Variants in IQSEC3 observed in about 807,000 individuals in gnomAD.
The protein encoded by IQSEC3 is IQ motif and Sec7 domain ArfGEF 3.
IQSEC3 carries 50 observed loss-of-function variants against 105.4 expected under a neutral mutation model. The observed-to-expected ratio is 0.47, with a 90% CI of 0.38 to 0.60. The LOEUF (loss-of-function observed/expected upper bound fraction) is 0.60. IQSEC3 is among the 20% of genes least tolerant of loss of function. The pLI is 0.00. For synonymous variants in IQSEC3, 708 were observed against 746.0 expected (o/e 0.95, Z 0.83); for missense variants, 1,415 against 1,630.0 (o/e 0.87, Z 2.27).
At position 85,224 on chromosome 12, in the gene IQSEC3, GA is replaced by G. The variant is rs201788556; in HGVS notation, c.555-13921del. 9.6e-3 allele frequency among the ~76,000 whole-genome samples: 1,463 copies of G among 152,324 alleles called. 22 individuals are homozygous for G. The highest frequency in any genetic ancestry group is 0.033 in the African/African-American group (1,390 of 41,572). On this transcript the variant is annotated intron_variant, in intron 1 of 13. Coordinates refer to ENST00000538872, the MANE Select transcript of IQSEC3 (RefSeq NM_001170738.2). ...CGAAAGGTGGGTTAGGAACGCTGTG[GA>G]GGCATGCTGCCCTGGCGCTGTGAGG... is the stretch of plus-strand genomic sequence containing the variant.
chr12:82,813 T>A (rs1555071005), intron 1 of IQSEC3, among the ~76,000 whole-genome samples: 1 of 152,202 alleles, frequency 6.6e-6, no homozygotes, highest in African/African-American at 2.4e-5. Context: ...CAGGCAGTGC[T>A]CCTAGCCTCT....
chr12:106,018 ACT>A (rs1178901625), intron 2 of IQSEC3, among the ~76,000 whole-genome samples: 3 of 152,144 alleles, frequency 2.0e-5, no homozygotes, highest in Non-Finnish European at 4.4e-5. Context: ...AGTCCTGCTA[ACT>A]CTGTGTCGGT....
Position 92,637 on chromosome 12 carries a change from C to G in IQSEC3, c.555-6509C>G, listed in dbSNP as rs553754625. Among the ~76,000 whole-genome samples the G allele has an allele frequency of 1.1e-4, 16 of 152,332 alleles. No individual in the cohort carries two copies. The South Asian group carries it at 3.1e-3, about 30-fold the overall frequency. On this transcript the variant is annotated intron_variant, in intron 1 of 13. Coordinates refer to ENST00000538872, the MANE Select transcript of IQSEC3 (RefSeq NM_001170738.2). ...AGCAGCCGAGATCCGGGTCCCGGGCCCCCTCCCTAAAGGCCCCGCATCTCA... is the reference window on the plus strand; with the variant it reads ...AGCAGCCGAGATCCGGGTCCCGGGCGCCCTCCCTAAAGGCCCCGCATCTCA...
chr12:109,585 A>G (rs1555079032), intron 2 of IQSEC3, among the ~76,000 whole-genome samples: 3 of 150,944 alleles, frequency 2.0e-5, no homozygotes. Context: ...AGGCAGCCTG[A>G]TCCTAAACTC....
At chr12:125,012 C>A (rs1034460130) in intron 2 of IQSEC3, among the ~76,000 whole-genome samples, 3 of 152,144 alleles carry the variant, frequency 2.0e-5, no homozygotes, top group East Asian at 3.9e-4. Flanking sequence ...AGTCCACCCC[C>A]CTGGAAAGGC....
intron 2 of IQSEC3, among the ~76,000 whole-genome samples, chr12:104,613 C>T (rs1175831716): frequency 6.6e-6 from 1 of 152,212 alleles, no homozygotes; most frequent in Non-Finnish European, 1.5e-5. Context: ...CGTACTGCGC[C>T]CCCTTAGAGG....
chr12:100,122 T>G (rs1434905529), intron 2 of IQSEC3, among the ~76,000 whole-genome samples: 1 of 152,238 alleles, frequency 6.6e-6, no homozygotes, highest in Non-Finnish European at 1.5e-5. Context: ...GTTACTCCAC[T>G]GCCCTGGGCC....
chr12:120,079 A>T (rs1107972), intron 2 of IQSEC3, among the ~76,000 whole-genome samples: 1 of 152,244 alleles, frequency 6.6e-6, no homozygotes, highest in Non-Finnish European at 1.5e-5. Flanking sequence ...TATAATAAGT[A>T]CCTGTGATAA....
chr12:94,603 G>A (rs1157568370), intron 1 of IQSEC3, among the ~76,000 whole-genome samples: 3 of 152,234 alleles, frequency 2.0e-5, no homozygotes, highest in Non-Finnish European at 4.4e-5. Flanking sequence ...CAACAGCACT[G>A]CCGGCCCAAG....
intron 2 of IQSEC3, among the ~76,000 whole-genome samples, chr12:103,481 GGAGGCGGGGCTCGGGGGGT>G: frequency 9.6e-6 from 1 of 104,376 alleles, no homozygotes; most frequent in Non-Finnish European, 2.0e-5. Context: ...GCTCAGGAGG[GGAGGCGGGGCTCGGGGGGT>G]AGGTGGGGGC....
At chr12:137,318 C>G (rs1865805605) in intron 3 of IQSEC3, 1 of 152,074 alleles carries the variant, frequency 6.6e-6, no homozygotes, top group African/African-American at 2.4e-5. Flanking sequence ...GCACGAGGAG[C>G]TGTGAGGGTT....
intron 1 of IQSEC3, among the ~76,000 whole-genome samples, chr12:82,997 C>T (rs993454920): frequency 3.9e-5 from 6 of 152,190 alleles, no homozygotes; most frequent in East Asian, 1.9e-4. Context: ...GAGGTTCTGA[C>T]GCAGTTCCCT....
At chr12:137,954 G>C (rs1555086920) in intron 3 of IQSEC3, among the ~76,000 whole-genome samples, 1 of 151,840 alleles carries the variant, frequency 6.6e-6, no homozygotes, top group African/African-American at 2.4e-5. Context: ...CTGAGCTAAT[G>C]CGCCCGGCCA....
intron 5 of IQSEC3, among the ~76,000 whole-genome samples, chr12:155,224 CCT>C (rs1866645485): frequency 6.6e-6 from 1 of 152,182 alleles, no homozygotes; most frequent in African/African-American, 2.4e-5. Flanking sequence ...TCTGGAGGCC[CCT>C]GTTCCCCAGC....
chr12:108,020 C>A (rs1864739890), intron 2 of IQSEC3, among the ~76,000 whole-genome samples: 1 of 152,200 alleles, frequency 6.6e-6, no homozygotes, highest in Non-Finnish European at 1.5e-5. Flanking sequence ...TTAGGGATAT[C>A]TGGGATTAGG....
At chr12:93,488 G>A (rs1157291445) in intron 1 of IQSEC3, among the ~76,000 whole-genome samples, 1 of 152,174 alleles carries the variant, frequency 6.6e-6, no homozygotes, top group Non-Finnish European at 1.5e-5. Flanking sequence ...TCCAGGGAGG[G>A]TGGGAAGAGA....
At chr12:135,762 G>C (rs965329562) in intron 3 of IQSEC3, among the ~76,000 whole-genome samples, 7 of 152,220 alleles carry the variant, frequency 4.6e-5, no homozygotes, top group African/African-American at 1.7e-4. Context: ...GGGGACAGCA[G>C]GCAACCTCTA....
At chr12:116,949 C>A (rs1410298390) in intron 2 of IQSEC3, among the ~76,000 whole-genome samples, 1 of 152,242 alleles carries the variant, frequency 6.6e-6, no homozygotes, top group African/African-American at 2.4e-5. Flanking sequence ...CGTGCTCTTT[C>A]TTGAGCTGAG....
intron 3 of IQSEC3, among the ~76,000 whole-genome samples, chr12:135,635 AG>A (rs1865738632): frequency 6.6e-6 from 1 of 152,226 alleles, no homozygotes; most frequent in South Asian, 2.1e-4. Context: ...AACATCACCC[AG>A]GGTGGGTCTG....
Sources: allele counts gnomAD v4.1 joint callset (sites outside exome capture counted in the v4.1 genomes callset), GRCh38; gene constraint gnomAD v4.1.1; transcripts MANE v1.5; gene names NCBI Gene and HGNC (gene_info 2026-07-23, HGNC 2026-07-21).